CCDC17: variants seen among roughly 807,000 people sequenced by gnomAD.
CCDC17 encodes coiled-coil domain containing 17, also known as coiled-coil domain-containing protein 17.
Under a neutral mutation model 68.0 loss-of-function variants are expected in CCDC17, and 79 were observed. The observed-to-expected ratio is 1.16, with a 90% CI of 0.97 to 1.40. CCDC17 has a LOEUF of 1.40. Ranked by LOEUF, CCDC17 falls within the 40% of genes most tolerant of loss-of-function variation. The pLI is 0.00. For synonymous variants in CCDC17, 376 were observed against 337.5 expected (o/e 1.11, Z -1.25); for missense variants, 846 against 811.5 (o/e 1.04, Z -0.52).
chr1:45,623,414 T>C lies in CCDC17; in HGVS notation c.296A>G (p.Gln99Arg), dbSNP rs1255235272. The C allele has an allele frequency of 6.4e-7, 1 of 1,550,604 alleles. No homozygotes were observed. Reference sequence around the variant, plus strand: ...CTCTGTTATCCAGGGCCGCATTTCCTGTAGGGATAGCCGCAGCCACTGCAC... The same window carrying C: ...CTCTGTTATCCAGGGCCGCATTTCCCGTAGGGATAGCCGCAGCCACTGCAC... Reference protein sequence around the residue: ...EEVQWLRLSLQEMRPWITEVP... With the variant: ...EEVQWLRLSLREMRPWITEVP... Residue 99 changes from glutamine to arginine, a missense_variant, in exon 3 of 13, where the codon CAG becomes CGG. Coordinates refer to ENST00000528266, the MANE Select transcript of CCDC17 (RefSeq NM_001114938.3).
In CCDC17 at chr1:45,622,562, C is replaced by T. The variant is rs376307682; in HGVS notation, c.846G>A (p.Ser282=). ...CCTCCTGTTCACCTCTGCGGGTCTG[C>T]GACCGCTGCAGCTCCAGTGCAGACG... ...VEASALELQR[S]QTRRGRAGAT... Residue 282 remains serine (S), a synonymous_variant, in exon 6 of 13, where the codon TCG becomes TCA. Coordinates refer to ENST00000528266, the MANE Select transcript of CCDC17 (RefSeq NM_001114938.3). 1.3e-6 allele frequency: 2 copies of T among 1,551,876 alleles called. No individual in the cohort carries two copies. Among genetic ancestry groups the T allele is most frequent in the East Asian group, 4.9e-5 (2 of 40,936 alleles).
intron 7 of CCDC17, 87 bp from the exon 8 acceptor site, chr1:45,622,082 A>G (rs1327792895): frequency 1.4e-6 from 2 of 1,418,554 alleles, no homozygotes; most frequent in African/African-American, 2.8e-5. Flanking sequence ...TGGGCCCACA[A>G]ATGGGTTGGC....
intron 7 of CCDC17, 104 bp from the exon 8 acceptor site, chr1:45,622,099 C>G: frequency 7.5e-7 from 1 of 1,334,902 alleles, no homozygotes; most frequent in Non-Finnish European, 1.0e-6. Flanking sequence ...TGGCGGAGCC[C>G]TGTGGATACA....
In CCDC17 at chr1:45,620,832, G is replaced by A. The variant is rs1412438335; in HGVS notation, c.1601C>T (p.Ala534Val). The change falls in exon 12 of 13, where the codon GCA (alanine) becomes GTA (valine). Residue 534 changes from alanine (A) to valine (V), a missense_variant and splice_region_variant. Ala to Val is a moderately conservative substitution (Grantham distance 64). Transcript: ENST00000528266. ...SLGQLNGIPQ[A>V]GQAELFLRLV... ...CCGCAGAAAGAGCTCAGCCTGACCT[G>A]CCTGGGGAGAGATGAAATGGTATTG... 2 of 1,610,620 alleles carry A rather than the reference G, an allele frequency of 1.2e-6. No individual in the cohort carries two copies. Among genetic ancestry groups the A allele is most frequent in the Non-Finnish European group, 1.7e-6 (2 of 1,178,418 alleles).
At position 45,623,261 on chromosome 1, in the gene CCDC17, G is replaced by A; in HGVS notation, c.449C>T (p.Ala150Val). The A allele has an allele frequency of 1.3e-6, 2 of 1,546,122 alleles. No homozygotes were observed. The highest frequency in any genetic ancestry group is 2.0e-5 in the Admixed American group (1 of 50,956). ...GGCCCGGCTCTGCGCTTCCATCTCC[G>A]CCACGCGCCTCGCGCGAGTCCTGAA... ...ALFRTRARRV[A>V]EMEAQSRALQ... The change falls in exon 3 of 13, where the codon GCG (alanine) becomes GTG (valine). Residue 150 changes from alanine to valine, a missense_variant. Coordinates refer to ENST00000528266, the MANE Select transcript of CCDC17 (RefSeq NM_001114938.3).
rs769942882 is a variant in CCDC17, at chr1:45,621,954, G to T, written c.1009C>A (p.Pro337Thr). The T allele has an allele frequency of 1.2e-6, 2 of 1,611,094 alleles. No homozygotes were observed. Among genetic ancestry groups the T allele is most frequent in the East Asian group, 4.5e-5 (2 of 44,796 alleles). Reference protein sequence around the residue: ...LRLLGDASLQPKGRRDPPLLP... With the variant: ...LRLLGDASLQTKGRRDPPLLP... ...AGTGGGGGATCTCTCCTCCCCTTCG[G>T]TTGTAGGCTGGCATCCCCCAGGAGT... Residue 337 changes from proline to threonine, a missense_variant, in exon 8 of 13, where the codon CCG (proline) becomes ACG (threonine). Transcript: ENST00000528266.
rs753295267 is a variant in CCDC17, at chr1:45,621,032, T to C, written c.1470A>G (p.Pro490=). 1 of 1,613,982 alleles carries C rather than the reference T, an allele frequency of 6.2e-7. No homozygotes were observed. Among genetic ancestry groups the C allele is most frequent in the Non-Finnish European group, 8.5e-7 (1 of 1,179,872 alleles). ...ATAGTCCAAGTGAGACCCAAGCCTT[T>C]GGCTGTGGTGCCCTAGCCCATGCTA... ...QGLAWARAPQ[P]KAWVSLGLFD... Residue 490 remains proline, a synonymous_variant, in exon 11 of 13, where the codon CCA becomes CCG. Coordinates refer to ENST00000528266, the MANE Select transcript of CCDC17 (RefSeq NM_001114938.3).
Position 45,620,325 on chromosome 1 carries a change from C to T in CCDC17, c.1819G>A (p.Glu607Lys). 1.9e-6 allele frequency: 3 copies of T among 1,609,450 alleles called. No individual in the cohort carries two copies. Among genetic ancestry groups the T allele is most frequent in the Non-Finnish European group, 2.5e-6 (3 of 1,178,530 alleles). ...EPLSGVKDRD[E>K]GLGPHHSSDL... ...GAACTGTGGTGAGGGCCCAAACCCT[C>T]ATCTCTATCCTTGACTCCACTGAGG... is the stretch of plus-strand genomic sequence containing the variant. The change falls in exon 13 of 13, where the codon GAG (glutamate) becomes AAG (lysine). Residue 607 changes from glutamate (E) to lysine (K), a missense_variant. Physicochemically the swap from Glu to Lys is moderately conservative, Grantham distance 56. Coordinates refer to ENST00000528266, the MANE Select transcript of CCDC17 (RefSeq NM_001114938.3).
Position 45,621,931 on chromosome 1 carries a change from T to A in CCDC17, c.1032A>T (p.Pro344=), listed in dbSNP as rs1366657854. 6.2e-7 allele frequency: 1 copy of A among 1,605,680 alleles called. No homozygotes were observed. The highest frequency in any genetic ancestry group is 8.5e-7 in the Non-Finnish European group (1 of 1,177,738). Residue 344 remains proline (P), a synonymous_variant, in exon 8 of 13, where the codon CCA becomes CCT. Transcript: ENST00000528266. ...GTGGTGCCACCGGTGGCGGGAGGAG[T>A]GGGGGATCTCTCCTCCCCTTCGGTT... is the stretch of plus-strand genomic sequence containing the variant. ...SLQPKGRRDP[P]LLPPPVAPPL... is the part of the protein sequence containing the mutation.
Position 45,622,649 on chromosome 1 carries a change from G to A in CCDC17, c.759C>T (p.Tyr253=), listed in dbSNP as rs1437575552. Residue 253 remains tyrosine (Y), a synonymous_variant, in exon 6 of 13, where the codon TAC becomes TAT. Coordinates refer to ENST00000528266, the MANE Select transcript of CCDC17 (RefSeq NM_001114938.3). ...AAEIRALREA[Y]IRDGGRDPGV... ...CGGGGTCCCGGCCCCCGTCTCGAAT[G>A]TAGGCCTCCCGCAGCGCCCTAGGGA... is the stretch of plus-strand genomic sequence containing the variant. The A allele has an allele frequency of 7.1e-6, 11 of 1,555,776 alleles. No individual in the cohort carries two copies. In the East Asian group the frequency reaches 1.9e-4, roughly 27 times the overall value.
chr1:45,622,449 G>T (rs963343005), intron 6 of CCDC17, 100 bp downstream of exon 6: 34 of 1,468,708 alleles, frequency 2.3e-5, no homozygotes, highest in Non-Finnish European at 2.8e-5. Context: ...GATAAGGCTG[G>T]ACTTGTCAGC....
At position 45,620,080 on chromosome 1, in the gene CCDC17, C is replaced by T; in HGVS notation, c.*195G>A. The T allele has an allele frequency of 1.9e-6, 1 of 534,642 alleles. No individual in the cohort carries two copies. Among genetic ancestry groups the T allele is most frequent in the South Asian group, 2.9e-5 (1 of 34,964 alleles). The allele number at this position is 534,642 out of a possible 1,614,324, so 33.1% of individuals were successfully genotyped here. ...CTCATTTAATCCTTAATCTGTTTTA[C>T]AAAAACAGAAGAGGTACAGAAAAGT... On this transcript the variant is annotated 3_prime_UTR_variant, in exon 13 of 13. Coordinates refer to ENST00000528266, the MANE Select transcript of CCDC17 (RefSeq NM_001114938.3).
rs773800907 is a variant in CCDC17, at chr1:45,621,440, G to A, written c.1229C>T (p.Ala410Val). 8.8e-6 allele frequency: 14 copies of A among 1,597,392 alleles called. No homozygotes were observed. The highest frequency in any genetic ancestry group is 1.1e-5 in the Non-Finnish European group (13 of 1,172,410). The change falls in exon 10 of 13, where the codon GCT (alanine) becomes GTT (valine). Residue 410 changes from alanine to valine, a missense_variant. Ala to Val is a moderately conservative substitution (Grantham distance 64). Transcript: ENST00000528266. Reference sequence around the variant, plus strand: ...CCTTAGTTGCACCCAAATCCAGGAAGCCTCAAGGCCCCGCAGGAAATCATA... The same window carrying A: ...CCTTAGTTGCACCCAAATCCAGGAAACCTCAAGGCCCCGCAGGAAATCATA... ...IFYDFLRGLE[A>V]SWIWVQLRTG...
chr1:45,623,883 C>A lies in CCDC17; in HGVS notation c.27G>T (p.Ala9=). MDSHSGEP[A]LLPCGTCDMV... is the part of the protein sequence containing the mutation. ...TGTCACAGGTCCCACAGGGCAGGAGCGCAGGCTCCCCAGAGTGGGAGTCCA... is the reference window on the plus strand; with the variant it reads ...TGTCACAGGTCCCACAGGGCAGGAGAGCAGGCTCCCCAGAGTGGGAGTCCA... The change falls in exon 1 of 13, where the codon GCG becomes GCT. Residue 9 remains alanine (A), a synonymous_variant. Transcript: ENST00000528266. 1.3e-6 allele frequency: 2 copies of A among 1,536,406 alleles called. No homozygotes were observed. The highest frequency in any genetic ancestry group is 1.2e-5 in the South Asian group (1 of 81,444).
chr1:45,623,129 C>CG lies in CCDC17; in HGVS notation c.494-13dup. The CG allele has an allele frequency of 6.5e-7, 1 of 1,544,156 alleles. No homozygotes were observed. Among genetic ancestry groups the CG allele is most frequent in the Non-Finnish European group, 8.8e-7 (1 of 1,142,644 alleles). ...GCGTCGGCTCAGTTCTGAGGGAATG[C>CG]GGGCCGAGTCAGAACCGGCCCGAGC... On this transcript the variant is annotated splice_polypyrimidine_tract_variant and intron_variant, in intron 3 of 12. Coordinates refer to ENST00000528266, the MANE Select transcript of CCDC17 (RefSeq NM_001114938.3).
In CCDC17 at chr1:45,621,630, G is replaced by T; in HGVS notation, c.1184+8C>A. 6.2e-7 allele frequency: 1 copy of T among 1,612,894 alleles called. No individual in the cohort carries two copies. The highest frequency in any genetic ancestry group is 8.5e-7 in the Non-Finnish European group (1 of 1,179,466). Reference sequence around the variant, plus strand: ...CACAGAGGCTGTCGAAGGTGGCACGGGCCTCACCCAGGATCATAGGGTGCA... The same window carrying T: ...CACAGAGGCTGTCGAAGGTGGCACGTGCCTCACCCAGGATCATAGGGTGCA... On this transcript the variant is annotated splice_region_variant and intron_variant, in intron 9 of 12. Coordinates refer to ENST00000528266, the MANE Select transcript of CCDC17 (RefSeq NM_001114938.3).
chr1:45,620,317 C>A lies in CCDC17; in HGVS notation c.1827G>T (p.Leu609Phe). ...GCAAGTCAGAACTGTGGTGAGGGCC[C>A]AAACCCTCATCTCTATCCTTGACTC... is the stretch of plus-strand genomic sequence containing the variant. ...LSGVKDRDEG[L>F]GPHHSSDLPP... Residue 609 changes from leucine to phenylalanine, a missense_variant, in exon 13 of 13, where the codon TTG becomes TTT. Transcript: ENST00000528266. 1.2e-6 allele frequency: 2 copies of A among 1,609,332 alleles called. No homozygotes were observed. The highest frequency in any genetic ancestry group is 2.2e-5 in the East Asian group (1 of 44,824).
At chr1:45,622,155 G>C (rs960344752) in intron 7 of CCDC17, 86 bp downstream of exon 7, 13 of 1,361,204 alleles carry the variant, frequency 9.6e-6, no homozygotes, top group Non-Finnish European at 1.3e-5. Context: ...ACAAACACGG[G>C]TCTTGTTCCC....
chr1:45,620,203 T>TA lies in CCDC17; in HGVS notation c.*71dup. 6.7e-7 allele frequency: 1 copy of TA among 1,495,102 alleles called. No homozygotes were observed. The highest frequency in any genetic ancestry group is 1.3e-5 in the South Asian group (1 of 76,232). 92.6% of individuals were successfully genotyped at this position (1,495,102 alleles called of 1,614,324 possible). A position where few individuals can be genotyped will look rare whatever the true frequency, so the allele number is the denominator to read the frequency against. On this transcript the variant is annotated 3_prime_UTR_variant, in exon 13 of 13. Transcript: ENST00000528266. ...GACCCAATGTCAGAACATGGAGTAG[T>TA]AAACCTGTAGGTCTGGAAATAGGCC...
Sources: allele counts gnomAD v4.1 joint callset, GRCh38; gene constraint gnomAD v4.1.1; transcripts MANE v1.5; gene names NCBI Gene and HGNC (gene_info 2026-07-23, HGNC 2026-07-21).